The following EFCAB11 variants were observed in gnomAD, a reference collection of about 807,000 sequenced individuals.
EFCAB11 encodes EF-hand calcium-binding domain-containing protein 11.
Under a neutral mutation model 23.0 loss-of-function variants are expected in EFCAB11, and 14 were observed. The observed-to-expected ratio is 0.61, with a 90% CI of 0.40 to 0.95. The LOEUF (loss-of-function observed/expected upper bound fraction) is 0.95. EFCAB11 is among the 40% of genes least tolerant of loss of function. The probability of loss-of-function intolerance (pLI) is 0.00; values close to 1 mark genes in which losing one functional copy is unlikely to be tolerated. For synonymous variants in EFCAB11, 65 were observed against 66.6 expected, an observed-to-expected ratio of 0.98 and a Z score of 0.11; for missense variants, 198 against 195.8, an observed-to-expected ratio of 1.01 and a Z score of -0.07.
chr14:89,913,559 C>A (rs181846243), intron 5 of EFCAB11, among the ~76,000 whole-genome samples: 1 of 152,274 alleles, frequency 6.6e-6, no homozygotes, highest in East Asian at 1.9e-4. Context: ...GGGTCTGAAT[C>A]TTTCAATCGA....
chr14:89,942,844 A>G (rs1338465778), intron 3 of EFCAB11, among the ~76,000 whole-genome samples: 2 of 152,180 alleles, frequency 1.3e-5, no homozygotes, highest in African/African-American at 4.8e-5. Flanking sequence ...GCTTTGACTT[A>G]ACTTTTCACT....
chr14:89,940,153 G>C (rs1219169508), intron 3 of EFCAB11, among the ~76,000 whole-genome samples: 1 of 152,178 alleles, frequency 6.6e-6, no homozygotes, highest in African/African-American at 2.4e-5. Flanking sequence ...AAATAAACAT[G>C]GATGGGTGAA....
At chr14:89,887,913 C>A (rs1369180977) in intron 5 of EFCAB11, among the ~76,000 whole-genome samples, 1 of 150,638 alleles carries the variant, frequency 6.6e-6, no homozygotes, top group East Asian at 1.9e-4. Context: ...AATAGTGAAT[C>A]TTCTCATTTC....
At chr14:89,817,079 A>G (rs1474764087) in intron 5 of EFCAB11, among the ~76,000 whole-genome samples, 1 of 152,138 alleles carries the variant, frequency 6.6e-6, no homozygotes, top group East Asian at 1.9e-4. Flanking sequence ...GCAATACTTC[A>G]AGGTAATTTG....
intron 5 of EFCAB11, among the ~76,000 whole-genome samples, chr14:89,804,751 C>CT (rs901621025): frequency 1.1e-4 from 17 of 151,988 alleles, no homozygotes; most frequent in East Asian, 3.9e-4. Context: ...TTGCAAAATG[C>CT]TTTTTTTGGG....
intron 5 of EFCAB11, among the ~76,000 whole-genome samples, chr14:89,891,509 TTA>T (rs1469485927): frequency 6.6e-6 from 1 of 152,224 alleles, no homozygotes; most frequent in East Asian, 1.9e-4. Context: ...AGGTTTCTGA[TTA>T]TGTTTATAAT....
intron 3 of EFCAB11, among the ~76,000 whole-genome samples, chr14:89,935,192 G>A (rs958089338): frequency 3.3e-5 from 5 of 152,014 alleles, no homozygotes; most frequent in South Asian, 2.1e-4. Flanking sequence ...TAGGATCTAC[G>A]GTAATTATTT....
chr14:89,862,724 T>G (rs1952772), intron 5 of EFCAB11, among the ~76,000 whole-genome samples: 104,910 of 152,064 alleles, frequency 0.69, 37,657 homozygotes, highest in Non-Finnish European at 0.81. Context: ...AGCATTCACA[T>G]CATCAAACAT....
intron 5 of EFCAB11, among the ~76,000 whole-genome samples, chr14:89,863,061 G>T (rs1887977240): frequency 6.6e-6 from 1 of 151,870 alleles, no homozygotes; most frequent in Non-Finnish European, 1.5e-5. Context: ...GATGATCTCT[G>T]TCTAAAAGGA....
At chr14:89,822,302 T>G (rs1404782564) in intron 5 of EFCAB11, among the ~76,000 whole-genome samples, 1 of 152,232 alleles carries the variant, frequency 6.6e-6, no homozygotes, top group Non-Finnish European at 1.5e-5. Flanking sequence ...ATATGTATTA[T>G]TAAAACTCAG....
At chr14:89,828,919 C>T (rs1340253215) in intron 5 of EFCAB11, among the ~76,000 whole-genome samples, 2 of 152,310 alleles carry the variant, frequency 1.3e-5, no homozygotes, top group Non-Finnish European at 2.9e-5. Context: ...GCCACCATAG[C>T]TCAGCATATC....
chr14:89,804,528 C>T (rs1339356985), intron 5 of EFCAB11, among the ~76,000 whole-genome samples: 1 of 152,186 alleles, frequency 6.6e-6, no homozygotes, highest in Non-Finnish European at 1.5e-5. Flanking sequence ...CTTGCATTCC[C>T]TCATTCTCTG....
chr14:89,845,202 C>T (rs1232842453), intron 5 of EFCAB11, among the ~76,000 whole-genome samples: 1 of 152,156 alleles, frequency 6.6e-6, no homozygotes. Flanking sequence ...ATTTCTCTTC[C>T]ATCGGTACTT....
intron 5 of EFCAB11, among the ~76,000 whole-genome samples, chr14:89,927,652 TC>T (rs561203730): frequency 6.2e-4 from 95 of 152,346 alleles, no homozygotes; most frequent in African/African-American, 2.2e-3. Context: ...CATCTCTGTT[TC>T]TTTGGCCTAC....
intron 5 of EFCAB11, among the ~76,000 whole-genome samples, chr14:89,880,110 T>C (rs1888556155): frequency 6.6e-6 from 1 of 152,198 alleles, no homozygotes; most frequent in Non-Finnish European, 1.5e-5. Context: ...GTTCTGAACA[T>C]TTGTGTCTCC....
chr14:89,879,591 T>C (rs929156217), intron 5 of EFCAB11, among the ~76,000 whole-genome samples: 2 of 152,032 alleles, frequency 1.3e-5, no homozygotes, highest in African/African-American at 4.8e-5. Context: ...TACAAATATA[T>C]ACCATAATTT....
intron 5 of EFCAB11, among the ~76,000 whole-genome samples, chr14:89,828,962 C>T (rs979226522): frequency 1.3e-5 from 2 of 152,174 alleles, no homozygotes; most frequent in Non-Finnish European, 2.9e-5. Flanking sequence ...AAGGCTAACC[C>T]ATGGAGCAGT....
At chr14:89,853,658 T>C (rs1887662521) in intron 5 of EFCAB11, among the ~76,000 whole-genome samples, 1 of 152,174 alleles carries the variant, frequency 6.6e-6, no homozygotes, top group Admixed American at 6.5e-5. Context: ...ATACCAAGAA[T>C]AAAAATGCAG....
At chr14:89,914,035 T>C (rs1333024647) in intron 5 of EFCAB11, among the ~76,000 whole-genome samples, 4 of 152,214 alleles carry the variant, frequency 2.6e-5, no homozygotes, top group African/African-American at 9.6e-5. Flanking sequence ...TTGGGGACAC[T>C]GTTGCTACAC....
Sources: gnomAD v4.1 joint callset for allele counts (sites outside exome capture counted in the v4.1 genomes callset) on GRCh38, gnomAD v4.1.1 for gene constraint, MANE v1.5 for transcripts, NCBI Gene and HGNC (gene_info 2026-07-23, HGNC 2026-07-21) for gene names.